Variants in CCDC6 observed in about 807,000 individuals in gnomAD.
CCDC6 encodes the protein coiled-coil domain containing 6, also known as coiled-coil domain-containing protein 6.
CCDC6 carries 20 observed loss-of-function variants against 56.6 expected under a neutral mutation model. That is an observed-to-expected ratio of 0.35 (90% CI 0.25 to 0.51). The LOEUF is 0.51. Among genes scored for constraint, CCDC6 ranks in the 20% least tolerant of loss-of-function variants. CCDC6 has a pLI of 0.95. For missense variants in CCDC6, 367 were observed against 601.1 expected (o/e 0.61, Z 4.07); for synonymous variants, 241 against 234.4 (o/e 1.03, Z -0.26).
At chr10:59,852,862 G>C (rs2071050670) in intron 1 of CCDC6, among the ~76,000 whole-genome samples, 160 bp from the exon 2 acceptor site, 1 of 152,142 alleles carries the variant, frequency 6.6e-6, no homozygotes, top group Non-Finnish European at 1.5e-5. Context: ...ATGCAAAACA[G>C]AGGAATTCAG....
chr10:59,900,502 T>A (rs2071497576), intron 1 of CCDC6, among the ~76,000 whole-genome samples: 1 of 152,084 alleles, frequency 6.6e-6, no homozygotes, highest in African/African-American at 2.4e-5. Flanking sequence ...GCTAAACGCA[T>A]GTAAGAGGTG....
At chr10:59,849,324 C>G (rs2071019057) in intron 2 of CCDC6, among the ~76,000 whole-genome samples, 1 of 152,142 alleles carries the variant, frequency 6.6e-6, no homozygotes, top group Non-Finnish European at 1.5e-5. Flanking sequence ...GCTGCATGCT[C>G]CCTTTTGTGT....
intron 2 of CCDC6, among the ~76,000 whole-genome samples, chr10:59,834,619 T>C (rs553314770): frequency 2.4e-4 from 37 of 151,830 alleles, no homozygotes; most frequent in Admixed American, 2.4e-3. Context: ...CTTCCAACAC[T>C]GGAAATATTG....
In CCDC6 at chr10:59,847,701, T is replaced by C. The variant is rs551551921; in HGVS notation, c.453+4852A>G. ...ATAAGATGTTTTCTAGTTACAAAAG[T>C]ATCATGTTGCTGTTTCAGAATTAGA... is the stretch of plus-strand genomic sequence containing the variant. On this transcript the variant is annotated intron_variant, in intron 2 of 8. Coordinates refer to ENST00000263102, the MANE Select transcript of CCDC6 (RefSeq NM_005436.5). Among the ~76,000 whole-genome samples, 4 of 152,204 alleles carry C rather than the reference T, an allele frequency of 2.6e-5. No homozygotes were observed. In the East Asian group the frequency reaches 7.7e-4, roughly 29 times the overall value.
chr10:59,876,000 AT>A (rs2071275515), intron 1 of CCDC6, among the ~76,000 whole-genome samples: 1 of 152,082 alleles, frequency 6.6e-6, no homozygotes, highest in East Asian at 1.9e-4. Context: ...TGTTAAAAAA[AT>A]CTTAATAAAT....
At chr10:59,865,783 T>C (rs546330591) in intron 1 of CCDC6, among the ~76,000 whole-genome samples, 114 of 137,206 alleles carry the variant, frequency 8.3e-4, no homozygotes, top group Middle Eastern at 0.01. Context: ...ACCCAGGAGA[T>C]AGAGGTTGCA....
chr10:59,830,407 GC>G (rs1261700978), intron 3 of CCDC6, among the ~76,000 whole-genome samples: 1 of 152,006 alleles, frequency 6.6e-6, no homozygotes, highest in Admixed American at 6.6e-5. Flanking sequence ...AACCAAACAT[GC>G]CCCCTAAATG....
chr10:59,891,325 G>A (rs1247097729), intron 1 of CCDC6, among the ~76,000 whole-genome samples: 1 of 152,138 alleles, frequency 6.6e-6, no homozygotes, highest in Non-Finnish European at 1.5e-5. Context: ...AAAATTGAAA[G>A]GAGGGAAAAA....
chr10:59,799,365 G>A (rs1330869213), intron 7 of CCDC6, among the ~76,000 whole-genome samples: 1 of 150,272 alleles, frequency 6.7e-6, no homozygotes, highest in African/African-American at 2.4e-5. Flanking sequence ...GGCGGAGGTT[G>A]CACTGAGCCA....
At chr10:59,836,063 A>C (rs2070879914) in intron 2 of CCDC6, among the ~76,000 whole-genome samples, 1 of 151,208 alleles carries the variant, frequency 6.6e-6, no homozygotes, top group Non-Finnish European at 1.5e-5. Context: ...AAAAAAAAAA[A>C]AAAAAAAAAA....
intron 2 of CCDC6, among the ~76,000 whole-genome samples, chr10:59,839,805 T>C (rs1401294446): frequency 2.0e-5 from 3 of 152,178 alleles, no homozygotes; most frequent in Admixed American, 2.0e-4. Flanking sequence ...TCTCGACGGA[T>C]GACAGGCATT....
chr10:59,809,140 C>A (rs577519630), intron 5 of CCDC6, among the ~76,000 whole-genome samples: 1 of 152,258 alleles, frequency 6.6e-6, no homozygotes, highest in South Asian at 2.1e-4. Context: ...AAAAGATTGA[C>A]CCCTTGGAGT....
chr10:59,797,279 A>C (rs1172087681), intron 7 of CCDC6, among the ~76,000 whole-genome samples: 4 of 152,078 alleles, frequency 2.6e-5, no homozygotes, highest in Admixed American at 2.6e-4. Flanking sequence ...AAAACGAATA[A>C]ACTACAGAGA....
Position 59,791,725 on chromosome 10 carries a change from G to A in CCDC6, c.*1192C>T, listed in dbSNP as rs1165310767. On this transcript the variant is annotated 3_prime_UTR_variant, in exon 9 of 9. Transcript: ENST00000263102. ...AAAAACAAAAATTAAGATGTTGCAC[G>A]TGTTAAGAAAAGAGTGACTCAGTGT... 3 of 212,022 alleles carry A rather than the reference G, an allele frequency of 1.4e-5. No individual in the cohort carries two copies. The highest frequency in any genetic ancestry group is 6.8e-5 in the African/African-American group (3 of 44,224). 13.1% of individuals were successfully genotyped at this position (212,022 alleles called of 1,614,324 possible).
intron 2 of CCDC6, among the ~76,000 whole-genome samples, chr10:59,844,425 T>C (rs77840255): frequency 1.0e-5 from 1 of 99,158 alleles, no homozygotes; most frequent in Admixed American, 8.9e-5. Flanking sequence ...AGGAGGAATA[T>C]TAAAAAAAAA....
intron 4 of CCDC6, among the ~76,000 whole-genome samples, chr10:59,813,237 AAC>A (rs1357577587): frequency 2.6e-5 from 4 of 152,204 alleles, no homozygotes; most frequent in Non-Finnish European, 4.4e-5. Flanking sequence ...AGGGTAAAGT[AAC>A]ACAGAGACTC....
At chr10:59,849,146 A>C (rs992596276) in intron 2 of CCDC6, among the ~76,000 whole-genome samples, 1 of 152,246 alleles carries the variant, frequency 6.6e-6, no homozygotes, top group Non-Finnish European at 1.5e-5. Flanking sequence ...GTTCATGTTG[A>C]ACTTACCAAA....
chr10:59,836,052 T>TAAA (rs59353306), intron 2 of CCDC6, among the ~76,000 whole-genome samples: 9,027 of 57,374 alleles, frequency 0.16, 839 homozygotes, highest in African/African-American at 0.25. Context: ...CGACCCTGTC[T>TAAA]AAAAAAAAAA....
chr10:59,879,145 A>G (rs1308670877), intron 1 of CCDC6, among the ~76,000 whole-genome samples: 5 of 152,190 alleles, frequency 3.3e-5, no homozygotes, highest in African/African-American at 4.8e-5. Context: ...GGTCCACATG[A>G]CTTGACAAGG....
Sources: allele counts gnomAD v4.1 joint callset (sites outside exome capture counted in the v4.1 genomes callset), GRCh38; gene constraint gnomAD v4.1.1; transcripts MANE v1.5; gene names NCBI Gene and HGNC (gene_info 2026-07-23, HGNC 2026-07-21).